DYNC2LI1: variants seen among roughly 807,000 people sequenced by gnomAD.
DYNC2LI1 encodes the protein cytoplasmic dynein 2 light intermediate chain 1.
In DYNC2LI1, 45 loss-of-function variants were observed where a neutral mutation model predicts 51.9. That is an observed-to-expected ratio of 0.87 (90% CI 0.68 to 1.11). The LOEUF is 1.11. Among genes scored for constraint, DYNC2LI1 ranks in the 50% most tolerant of loss-of-function variants. The probability of loss-of-function intolerance (pLI) is 0.00; values close to 1 mark genes in which losing one functional copy is unlikely to be tolerated. For synonymous variants in DYNC2LI1, 130 were observed against 137.8 expected (o/e 0.94, Z 0.40); for missense variants, 490 against 417.4 (o/e 1.17, Z -1.51).
At chr2:43,782,476 G>C (rs952995477) in intron 2 of DYNC2LI1, among the ~76,000 whole-genome samples, 1 of 149,324 alleles carries the variant, frequency 6.7e-6, no homozygotes, top group African/African-American at 2.5e-5. Flanking sequence ...TTTAGAGCCT[G>C]AAGGTTTCCT....
the DYNC2LI1 span, among the ~76,000 whole-genome samples, chr2:43,819,624 T>C: frequency 6.6e-6 from 1 of 152,192 alleles, no homozygotes; most frequent in South Asian, 2.1e-4. Flanking sequence ...GAGTTTTTCC[T>C]GGAACATCCG....
the DYNC2LI1 span, chr2:43,824,162 A>ATTGGGGGATG: frequency 6.2e-7 from 1 of 1,614,024 alleles, no homozygotes; most frequent in Non-Finnish European, 8.5e-7. Flanking sequence ...CAGAATTGTT[A>ATTGGGGGATG]TTGGGGGATG....
At chr2:43,823,782 G>A in the DYNC2LI1 span, 5 of 1,051,296 alleles carry the variant, frequency 4.8e-6, no homozygotes, top group African/African-American at 6.4e-5. Context: ...TTTCCCCAGA[G>A]AGGGAACCTG....
chr2:43,794,973 C>T (rs1673966536), intron 6 of DYNC2LI1: 1 of 1,229,364 alleles, frequency 8.1e-7, no homozygotes. Context: ...GTACAAAAGT[C>T]ACCTGACAAA....
Position 43,783,571 on chromosome 2 carries a change from C to A in DYNC2LI1, c.161+17C>A. On this transcript the variant is annotated intron_variant, in intron 3 of 12. Transcript: ENST00000260605. The stretch of plus-strand genomic sequence containing the variant: ...TCTTGACAGGTAAGTGTTATGTTAA[C>A]CTTTAAACTATATTTATGCTTATTC... 1 of 1,479,998 alleles carries A rather than the reference C, an allele frequency of 6.8e-7. No individual in the cohort carries two copies. Among genetic ancestry groups the A allele is most frequent in the Non-Finnish European group, 9.0e-7 (1 of 1,106,016 alleles). 91.7% of individuals were successfully genotyped at this position (1,479,998 alleles called of 1,614,324 possible).
At chr2:43,781,491 T>G (rs1382789434) in intron 2 of DYNC2LI1, 1 of 152,296 alleles carries the variant, frequency 6.6e-6, no homozygotes, top group African/African-American at 2.4e-5. Context: ...TCTACTTTCT[T>G]GCAGAGTACA....
chr2:43,807,685 C>T (rs1443851024), intron 12 of DYNC2LI1, among the ~76,000 whole-genome samples: 1 of 125,254 alleles, frequency 8.0e-6, no homozygotes, highest in Non-Finnish European at 1.6e-5. Flanking sequence ...TCCCAAAGTG[C>T]TGGGATTACA....
At position 43,805,162 on chromosome 2, in the gene DYNC2LI1, C is replaced by T. The variant is rs774176626; in HGVS notation, c.909C>T (p.Asn303=). 8 of 1,603,950 alleles carry T rather than the reference C, an allele frequency of 5.0e-6. No individual in the cohort carries two copies. Among genetic ancestry groups the T allele is most frequent in the Non-Finnish European group, 6.8e-6 (8 of 1,172,732 alleles). The stretch of plus-strand genomic sequence containing the variant: ...GAGATTTGTAATTTCAGAGTATTAA[C>T]ACGCTGAAAGATATCAAGGACCCTG... ...YEKLFPPKSI[N]TLKDIKDPAR... is the part of the protein sequence containing the mutation. The change falls in exon 12 of 13, where the codon AAC becomes AAT. Residue 303 remains asparagine, a synonymous_variant. Transcript: ENST00000260605.
chr2:43,804,136 G>A (rs1433474825), intron 10 of DYNC2LI1, among the ~76,000 whole-genome samples: 1 of 152,036 alleles, frequency 6.6e-6, no homozygotes, highest in Non-Finnish European at 1.5e-5. Context: ...ATATACCTTA[G>A]TAGTTTTTCC....
chr2:43,775,484 C>CT (rs150939675), intron 1 of DYNC2LI1, among the ~76,000 whole-genome samples: 14,316 of 149,350 alleles, frequency 0.096, 851 homozygotes, highest in Admixed American at 0.2. Context: ...GTTTTTTTTT[C>CT]TTTCTTTCTT....
the DYNC2LI1 span, among the ~76,000 whole-genome samples, chr2:43,825,602 T>C: frequency 1.1e-4 from 16 of 150,592 alleles, no homozygotes; most frequent in East Asian, 2.3e-3. Flanking sequence ...TGTTGTTTTG[T>C]TGTTATTGTT....
intron 3 of DYNC2LI1, among the ~76,000 whole-genome samples, chr2:43,785,020 G>A (rs1040968108): frequency 2.4e-4 from 37 of 152,076 alleles, no homozygotes; most frequent in Admixed American, 1.0e-3. Context: ...ATATGGGACC[G>A]GGTGCAGTGG....
rs547159747 is a variant in DYNC2LI1 at position 43,797,797 on chromosome 2, C to T, written c.654+1002C>T. Among the ~76,000 whole-genome samples the T allele has an allele frequency of 3.3e-5, 5 of 152,158 alleles. No individual in the cohort carries two copies. The East Asian group carries it at 7.7e-4, about 24-fold the overall frequency. Reference sequence around the variant, plus strand: ...CCTCCCAAACTGCTGGGATTACAAGCGTGAGCCACCATGCCTGGCCAAAAC... The same window carrying T: ...CCTCCCAAACTGCTGGGATTACAAGTGTGAGCCACCATGCCTGGCCAAAAC... On this transcript the variant is annotated intron_variant, in intron 8 of 12. Transcript: ENST00000260605.
intron 1 of DYNC2LI1, chr2:43,775,854 ATTTTTTT>A (rs57868887): frequency 3.0e-4 from 15 of 50,414 alleles, no homozygotes; most frequent in South Asian, 1.3e-3. Context: ...CACCTGGCCA[ATTTTTTT>A]TTTTTTTTTT....
chr2:43,814,296 T>C (rs1040696471), downstream of DYNC2LI1, among the ~76,000 whole-genome samples: 5 of 152,188 alleles, frequency 3.3e-5, no homozygotes, highest in African/African-American at 1.2e-4. Context: ...GGAGACTAAC[T>C]TGACTACTGC....
chr2:43,782,017 G>A (rs535156081), intron 2 of DYNC2LI1, among the ~76,000 whole-genome samples: 55 of 152,030 alleles, frequency 3.6e-4, no homozygotes, highest in Non-Finnish European at 6.0e-4. Flanking sequence ...GTCTATGTGT[G>A]TGTGTGTGTG....
chr2:43,787,109 A>C, intron 3 of DYNC2LI1, 72 bp from the exon 4 acceptor site: 1 of 1,224,694 alleles, frequency 8.2e-7, no homozygotes, highest in South Asian at 1.3e-5. Context: ...AGGAAAAATG[A>C]ATCAGGTAAG....
the DYNC2LI1 span, among the ~76,000 whole-genome samples, chr2:43,816,592 G>A: frequency 6.6e-6 from 1 of 152,154 alleles, no homozygotes; most frequent in Non-Finnish European, 1.5e-5. Context: ...CACCTAGGCT[G>A]GAGTGCAGTG....
At chr2:43,788,747 G>T (rs1409710455) in intron 4 of DYNC2LI1, among the ~76,000 whole-genome samples, 1 of 152,110 alleles carries the variant, frequency 6.6e-6, no homozygotes, top group African/African-American at 2.4e-5. Context: ...AGCCTCCCAA[G>T]TAAACTGTCA....
Sources: gnomAD v4.1 joint callset for allele counts (sites outside exome capture counted in the v4.1 genomes callset) on GRCh38, gnomAD v4.1.1 for gene constraint, MANE v1.5 for transcripts, NCBI Gene and HGNC (gene_info 2026-07-23, HGNC 2026-07-21) for gene names.